The following TOGARAM1 variants were observed in gnomAD, a reference collection of about 807,000 sequenced individuals.
TOGARAM1 encodes the protein TOG array regulator of axonemal microtubules 1, also known as TOG array regulator of axonemal microtubules protein 1.
In TOGARAM1, 100 loss-of-function variants were observed where a neutral mutation model predicts 166.6. That is an observed-to-expected ratio of 0.60 (90% CI 0.51 to 0.71). The LOEUF (loss-of-function observed/expected upper bound fraction) is 0.71. Among genes scored for constraint, TOGARAM1 ranks in the 30% least tolerant of loss-of-function variants. TOGARAM1 has a pLI of 0.00. For missense variants in TOGARAM1, 2,029 were observed against 2,102.7 expected, an observed-to-expected ratio of 0.96 and a Z score of 0.69; for synonymous variants, 758 against 763.8, an observed-to-expected ratio of 0.99 and a Z score of 0.13.
intron 11 of TOGARAM1, among the ~76,000 whole-genome samples, chr14:45,039,173 C>T (rs1881593335): frequency 6.6e-6 from 1 of 152,136 alleles, no homozygotes; most frequent in Non-Finnish European, 1.5e-5. Context: ...GATGAGTGTA[C>T]AGCTCTCAGC....
At chr14:45,045,622 T>TAC (rs1255106414) in intron 13 of TOGARAM1, among the ~76,000 whole-genome samples, 9 of 113,694 alleles carry the variant, frequency 7.9e-5, no homozygotes, top group African/African-American at 3.1e-4. Flanking sequence ...TGTGTGTATA[T>TAC]ATATGTATAT....
chr14:45,036,130 T>TAAA (rs770145117), intron 11 of TOGARAM1, among the ~76,000 whole-genome samples: 5 of 29,162 alleles, frequency 1.7e-4, no homozygotes, highest in East Asian at 1.2e-3. Flanking sequence ...ACCTTGTCTC[T>TAAA]AAAAAAAAAA....
At chr14:44,974,910 A>C (rs1471205655) in intron 1 of TOGARAM1, among the ~76,000 whole-genome samples, 2 of 152,042 alleles carry the variant, frequency 1.3e-5, no homozygotes, top group Admixed American at 1.3e-4. Context: ...ACTAAATAAA[A>C]GAACTGTGGT....
intron 13 of TOGARAM1, among the ~76,000 whole-genome samples, chr14:45,045,571 ATATATATATATATGTGTG>A (rs1423277038): frequency 5.1e-4 from 21 of 40,780 alleles, no homozygotes; most frequent in South Asian, 1.0e-3. Context: ...ATATATATAT[ATATATATATATATGTGTG>A]TGTGTGTGTG....
rs1882552684 is a variant in TOGARAM1, at chr14:45,054,829, A to G, written c.4559+280A>G. On this transcript the variant is annotated intron_variant, in intron 16 of 19. Transcript: ENST00000361462. ...GGACAACTCTGATTAATTTTTTAAA[A>G]ATTTATAGCCTTTATTTTTCCCCCG... Among the ~76,000 whole-genome samples the G allele has an allele frequency of 2.6e-5, 4 of 152,158 alleles. No individual in the cohort carries two copies. The South Asian group carries it at 8.3e-4, about 32-fold the overall frequency.
At chr14:45,022,720 G>T (rs1880595198) in intron 7 of TOGARAM1, among the ~76,000 whole-genome samples, 1 of 151,778 alleles carries the variant, frequency 6.6e-6, no homozygotes. Context: ...CCATACTCAG[G>T]GTCCTTCTGT....
chr14:45,047,454 CAT>C (rs1882128761), intron 14 of TOGARAM1, among the ~76,000 whole-genome samples: 1 of 149,862 alleles, frequency 6.7e-6, no homozygotes, highest in South Asian at 2.1e-4. Flanking sequence ...TCCTACAAAA[CAT>C]GAGATATCTG....
At chr14:44,981,405 G>A (rs1033938441) in intron 1 of TOGARAM1, among the ~76,000 whole-genome samples, 1 of 152,116 alleles carries the variant, frequency 6.6e-6, no homozygotes. Context: ...GTGTGCCCAC[G>A]AGTTGGAAGA....
In TOGARAM1 at chr14:44,970,599, G is replaced by A. The variant is rs185353701; in HGVS notation, c.2046+6132G>A. Among the ~76,000 whole-genome samples, 380 of 152,176 alleles carry A rather than the reference G, an allele frequency of 2.5e-3. 1 individual carries two copies. Among genetic ancestry groups the A allele is most frequent in the Non-Finnish European group, 4.0e-3 (271 of 67,982 alleles). On this transcript the variant is annotated intron_variant, in intron 1 of 19. Transcript: ENST00000361462. ...ATATTGAAAAGCAGTGATGAGAGAGGACATCCTTGCCTTGTTTCTAATCTT... is the reference window on the plus strand; with the variant it reads ...ATATTGAAAAGCAGTGATGAGAGAGAACATCCTTGCCTTGTTTCTAATCTT...
Position 45,032,382 on chromosome 14 carries a change from T to C in TOGARAM1, c.3812+6T>C. On this transcript the variant is annotated splice_donor_region_variant and intron_variant, in intron 11 of 19. Transcript: ENST00000361462. ...CTTTTGGCTGATGAGGATTGGTAAG[T>C]TCACCATCCTTAACTTAAAACTAAG... The C allele has an allele frequency of 1.2e-6, 2 of 1,610,698 alleles. No homozygotes were observed. Among genetic ancestry groups the C allele is most frequent in the Non-Finnish European group, 1.7e-6 (2 of 1,179,028 alleles).
Position 45,068,648 on chromosome 14 carries a change from G to A in TOGARAM1, c.4969+5G>A. ...AGGCACTGAGTCAGCATGTAGGTAAGAAATCTTACTTCGGCACTCAAATTA... is the reference window on the plus strand; with the variant it reads ...AGGCACTGAGTCAGCATGTAGGTAAAAAATCTTACTTCGGCACTCAAATTA... On this transcript the variant is annotated splice_donor_5th_base_variant and intron_variant, in intron 18 of 19. Transcript: ENST00000361462. 1.3e-6 allele frequency: 2 copies of A among 1,562,188 alleles called. No individual in the cohort carries two copies. The highest frequency in any genetic ancestry group is 1.7e-4 in the Middle Eastern group (1 of 5,890).
chr14:45,032,461 T>C (rs897278609), intron 11 of TOGARAM1, 85 bp downstream of exon 11: 5 of 1,264,806 alleles, frequency 4.0e-6, no homozygotes, highest in Non-Finnish European at 5.5e-6. Flanking sequence ...AAACACATTT[T>C]CTATTAAAAT....
chr14:45,066,483 AAATG>A, intron 16 of TOGARAM1, 91 bp from the exon 17 acceptor site: 1 of 1,176,728 alleles, frequency 8.5e-7, no homozygotes, highest in Non-Finnish European at 1.2e-6. Flanking sequence ...GCATTTTGGA[AAATG>A]AATGCATAAT....
rs1402761678 is a variant in TOGARAM1, at chr14:45,004,143, TC to T, written c.2423del (p.Pro808GlnfsTer91). ...AGTGTACTTCCTCAAATGGTCAAAA[TC>T]CAAGTCCAGGAGCTTACATCCTTCC... Reference protein sequence around the residue: ...TECTSSNGQNPSPGAYILPSY... With the variant: ...TECTSSNGQNXSPGAYILPSY... On this transcript the variant is annotated frameshift_variant, in exon 4 of 20. Transcript: ENST00000361462. LOFTEE classifies it high-confidence loss of function. 6.2e-7 allele frequency: 1 copy of T among 1,614,126 alleles called. No homozygotes were observed. The highest frequency in any genetic ancestry group is 1.1e-5 in the South Asian group (1 of 91,082).
intron 7 of TOGARAM1, chr14:45,022,847 C>A (rs1880603574): frequency 6.6e-6 from 1 of 152,008 alleles, no homozygotes; most frequent in Non-Finnish European, 1.5e-5. Flanking sequence ...TGTAAGACTG[C>A]CACTTCTTTA....
intron 13 of TOGARAM1, among the ~76,000 whole-genome samples, chr14:45,045,575 ATATATATATGTGTGTG>A (rs1389527241): frequency 0.038 from 1,574 of 41,330 alleles, 30 homozygotes; most frequent in Non-Finnish European, 0.052. Context: ...ATATATATAT[ATATATATATGTGTGTG>A]TGTGTGTGTG....
intron 1 of TOGARAM1, among the ~76,000 whole-genome samples, chr14:44,976,278 G>A (rs1594612038): frequency 6.6e-6 from 1 of 151,998 alleles, no homozygotes; most frequent in African/African-American, 2.4e-5. Flanking sequence ...TTGATTTTCT[G>A]GCCTTACATA....
At chr14:45,071,625 T>A in intron 18 of TOGARAM1, 87 bp from the exon 19 acceptor site, 1 of 830,134 alleles carries the variant, frequency 1.2e-6, no homozygotes, top group Non-Finnish European at 1.9e-6. Flanking sequence ...AGAAGTGATT[T>A]TTTTTTTCTT....
chr14:45,071,818 T>C lies in TOGARAM1; in HGVS notation c.5056+20T>C, dbSNP rs371796835. 6 of 1,560,202 alleles carry C rather than the reference T, an allele frequency of 3.8e-6. No individual in the cohort carries two copies. Among genetic ancestry groups the C allele is most frequent in the Non-Finnish European group, 4.4e-6 (5 of 1,144,340 alleles). On this transcript the variant is annotated intron_variant, in intron 19 of 19. Transcript: ENST00000361462. ...TTGCTGGTAAATACTTTGTAATTTC[T>C]AAAGAAATATTTTATTAACTAAGGA...
Sources: gnomAD v4.1 joint callset for allele counts (sites outside exome capture counted in the v4.1 genomes callset) on GRCh38, gnomAD v4.1.1 for gene constraint, MANE v1.5 for transcripts, NCBI Gene and HGNC (gene_info 2026-07-23, HGNC 2026-07-21) for gene names.